Variants in GRAMD1B observed in about 807,000 individuals in gnomAD.
GRAMD1B encodes the protein protein Aster-B.
GRAMD1B carries 37 observed loss-of-function variants against 99.7 expected under a neutral mutation model. The observed-to-expected ratio is 0.37, with a 90% CI of 0.29 to 0.49. The LOEUF is 0.49. Among genes scored for constraint, GRAMD1B ranks in the 20% least tolerant of loss-of-function variants. The pLI, the probability that GRAMD1B is intolerant of heterozygous loss-of-function variation, is 0.98. For synonymous variants in GRAMD1B, 427 were observed against 387.6 expected, an observed-to-expected ratio of 1.10 and a Z score of -1.19; for missense variants, 888 against 1,009.2, an observed-to-expected ratio of 0.88 and a Z score of 1.63.
At chr11:123,525,115 C>T (rs1942576478) in intron 2 of GRAMD1B, among the ~76,000 whole-genome samples, 1 of 152,126 alleles carries the variant, frequency 6.6e-6, no homozygotes, top group Non-Finnish European at 1.5e-5. Flanking sequence ...CTAAACCAGG[C>T]CTTTGTGGTC....
chr11:123,521,845 G>C (rs1255823823), intron 2 of GRAMD1B, among the ~76,000 whole-genome samples: 1 of 152,166 alleles, frequency 6.6e-6, no homozygotes, highest in Non-Finnish European at 1.5e-5. Flanking sequence ...TCTCTAGTGT[G>C]CTCTGGGAGG....
intron 2 of GRAMD1B, among the ~76,000 whole-genome samples, chr11:123,507,434 C>T (rs571776101): frequency 9.9e-4 from 151 of 152,330 alleles, no homozygotes; most frequent in Middle Eastern, 3.4e-3. Context: ...TTCCACTACT[C>T]TCATCCTCAA....
chr11:123,483,397 T>C lies in GRAMD1B; in HGVS notation c.452+2504T>C, dbSNP rs576709663. On this transcript the variant is annotated intron_variant, in intron 2 of 19. Coordinates refer to ENST00000635736, the MANE Select transcript of GRAMD1B (RefSeq NM_001387025.1). Reference sequence around the variant, plus strand: ...AATATTTTCTTTTCTTTTTCTTTTTTTTTTTTTTTTTGAGATAGGGTCTCT... The same window carrying C: ...AATATTTTCTTTTCTTTTTCTTTTTCTTTTTTTTTTTGAGATAGGGTCTCT... Among the ~76,000 whole-genome samples, 560 of 150,650 alleles carry C rather than the reference T, an allele frequency of 3.7e-3. 3 individuals are homozygous for C. The highest frequency in any genetic ancestry group is 0.013 in the African/African-American group (523 of 41,114).
chr11:123,611,416 A>G (rs1252453067), intron 14 of GRAMD1B, among the ~76,000 whole-genome samples: 1 of 152,314 alleles, frequency 6.6e-6, no homozygotes, highest in Non-Finnish European at 1.5e-5. Flanking sequence ...CCTGGGAGAC[A>G]GAGTAAGACC....
At chr11:123,485,196 T>C (rs572892287) in intron 2 of GRAMD1B, among the ~76,000 whole-genome samples, 93 of 152,332 alleles carry the variant, frequency 6.1e-4, no homozygotes, top group African/African-American at 2.1e-3. Context: ...TATCATCAAT[T>C]GTAACATGAA....
intron 2 of GRAMD1B, among the ~76,000 whole-genome samples, chr11:123,498,932 A>C (rs1939582385): frequency 6.6e-6 from 1 of 152,190 alleles, no homozygotes; most frequent in Non-Finnish European, 1.5e-5. Context: ...GCTGATAAAG[A>C]AAATGTAAAT....
chr11:123,461,073 TAGCCAGTTGGGA>T (rs1950391320), intron 1 of GRAMD1B, among the ~76,000 whole-genome samples: 2 of 152,166 alleles, frequency 1.3e-5, no homozygotes, highest in African/African-American at 4.8e-5. Flanking sequence ...GCAAAATTAA[TAGCCAGTTGGGA>T]AGCCATAGTC....
intron 1 of GRAMD1B, among the ~76,000 whole-genome samples, chr11:123,391,549 T>G (rs1325125019): frequency 6.6e-6 from 1 of 152,114 alleles, no homozygotes; most frequent in African/African-American, 2.4e-5. Context: ...CTCCGCCTCC[T>G]GGGTTCAAGC....
intron 1 of GRAMD1B, among the ~76,000 whole-genome samples, chr11:123,404,730 C>T (rs534510578): frequency 5.6e-4 from 86 of 152,376 alleles, no homozygotes; most frequent in African/African-American, 1.9e-3. Flanking sequence ...AAATTCAAAG[C>T]ATTACTCAAC....
intron 1 of GRAMD1B, among the ~76,000 whole-genome samples, chr11:123,360,384 C>T (rs1029262865): frequency 1.3e-5 from 2 of 152,132 alleles, no homozygotes; most frequent in Non-Finnish European, 2.9e-5. Context: ...AGTGTTTGCC[C>T]GAAGGCTCTT....
At chr11:123,408,021 C>T (rs115371523) in intron 1 of GRAMD1B, among the ~76,000 whole-genome samples, 1,783 of 152,218 alleles carry the variant, frequency 0.012, 27 homozygotes, top group African/African-American at 0.037. Context: ...CACTTTCAAA[C>T]GAGATAATGT....
rs191471930 is a variant in GRAMD1B at position 123,438,476 on chromosome 11, G to A, written c.374+7310G>A. ...TGTGTGTGAGGTTGTGGGAAGCAGA[G>A]AGGTGTGAGGATGACCCTGTTGACG... is the stretch of plus-strand genomic sequence containing the variant. On this transcript the variant is annotated intron_variant, in intron 1 of 19. Transcript: ENST00000635736. Among the ~76,000 whole-genome samples the A allele has an allele frequency of 1.2e-3, 180 of 152,288 alleles. 1 individual carries two copies. The highest frequency in any genetic ancestry group is 4.2e-3 in the African/African-American group (176 of 41,564).
chr11:123,509,719 T>TC (rs1264016538), intron 2 of GRAMD1B, among the ~76,000 whole-genome samples: 1 of 152,254 alleles, frequency 6.6e-6, no homozygotes, highest in Non-Finnish European at 1.5e-5. Context: ...TCCTCAGGGT[T>TC]CCCCTGATGG....
chr11:123,592,652 G>C (rs148841775), intron 4 of GRAMD1B, among the ~76,000 whole-genome samples: 17 of 152,276 alleles, frequency 1.1e-4, no homozygotes, highest in African/African-American at 3.9e-4. Context: ...GTGCCAGTTT[G>C]AAACTAATAT....
chr11:123,441,911 C>T (rs1949425492), intron 1 of GRAMD1B, among the ~76,000 whole-genome samples: 1 of 152,126 alleles, frequency 6.6e-6, no homozygotes, highest in Admixed American at 6.5e-5. Flanking sequence ...TCAGATTTTC[C>T]TTTTATTTGA....
At chr11:123,360,029 G>A (rs1003393287) in intron 1 of GRAMD1B, among the ~76,000 whole-genome samples, 13 of 152,096 alleles carry the variant, frequency 8.5e-5, no homozygotes, top group African/African-American at 3.1e-4. Flanking sequence ...AGTAGAAATA[G>A]GCTGAAAATG....
Position 123,573,079 on chromosome 11 carries a change from G to A in GRAMD1B, c.453-4288G>A, listed in dbSNP as rs547763561. Among the ~76,000 whole-genome samples the A allele has an allele frequency of 1.9e-4, 29 of 151,216 alleles. No individual in the cohort carries two copies. The East Asian group carries it at 5.3e-3, about 28-fold the overall frequency. ...GTAGGCCCCGATGGCTGGGGCAGGG[G>A]CGCAGGTAGGCCCCGATGGCTGGGG... On this transcript the variant is annotated intron_variant, in intron 2 of 19. Transcript: ENST00000635736.
At chr11:123,408,219 C>T (rs1947922005) in intron 1 of GRAMD1B, among the ~76,000 whole-genome samples, 1 of 152,174 alleles carries the variant, frequency 6.6e-6, no homozygotes, top group Non-Finnish European at 1.5e-5. Context: ...CTCAGCCACT[C>T]TCAGAAAAGG....
chr11:123,430,797 C>T lies in GRAMD1B; in HGVS notation c.5C>T (p.Pro2Leu), dbSNP rs1948841741. M[P>L]AANMMENRPL... The stretch of plus-strand genomic sequence containing the variant: ...AGCGCAGAGGCGACGGCCCCCATGC[C>T]GGCGGCCAACATGATGGAGAACCGG... Residue 2 changes from proline to leucine, a missense_variant, in exon 1 of 20, where the codon CCG becomes CTG. Around this residue, in one of 5 missense-constraint regions of GRAMD1B, gnomAD observed 233 missense variants for 154.6 expected, o/e 1.51. Coordinates refer to ENST00000635736, the MANE Select transcript of GRAMD1B (RefSeq NM_001387025.1). 2 of 679,862 alleles carry T rather than the reference C, an allele frequency of 2.9e-6. No individual in the cohort carries two copies. The highest frequency in any genetic ancestry group is 1.6e-5 in the South Asian group (1 of 64,010). 42.1% of individuals were successfully genotyped at this position (679,862 alleles called of 1,614,324 possible). A position where few individuals can be genotyped will look rare whatever the true frequency, so the allele number is the denominator to read the frequency against.
Sources: allele counts gnomAD v4.1 joint callset (sites outside exome capture counted in the v4.1 genomes callset), GRCh38; gene constraint gnomAD v4.1.1; regional missense constraint gnomAD v4.1.1; transcripts MANE v1.5; gene names NCBI Gene and HGNC (gene_info 2026-07-23, HGNC 2026-07-21).